Variants in EPB41L4B observed in about 807,000 individuals in gnomAD.
EPB41L4B encodes band 4.1-like protein 4B.
In EPB41L4B, 30 loss-of-function variants were observed where a neutral mutation model predicts 112.5. That is an observed-to-expected ratio of 0.27 (90% CI 0.20 to 0.36). The LOEUF (loss-of-function observed/expected upper bound fraction) is 0.36, where lower values mean the gene tolerates loss of function less well. Ranked by LOEUF, EPB41L4B falls within the 10% of genes least tolerant of loss-of-function variation. The pLI is 1.00. For missense variants in EPB41L4B, 1,024 were observed against 1,133.3 expected (o/e 0.90, Z 1.38); for synonymous variants, 408 against 439.7 (o/e 0.93, Z 0.90).
chr9:109,278,788 T>C (rs1479852545), intron 2 of EPB41L4B, among the ~76,000 whole-genome samples: 1 of 152,224 alleles, frequency 6.6e-6, no homozygotes, highest in African/African-American at 2.4e-5. Flanking sequence ...CAGTGCATAA[T>C]GGGCACTCCA....
rs1209085608 is a variant in EPB41L4B at position 109,176,040 on chromosome 9, TCACACACACGCACA to T, written c.2633+497_2633+510del. On this transcript the variant is annotated intron_variant, in intron 25 of 25. Coordinates refer to ENST00000374566, the MANE Select transcript of EPB41L4B (RefSeq NM_019114.5). ...TTTTCCTCCCTATCCCTTGTCAATA[TCACACACACGCACA>T]CACACACACACACACACACACACAC... Among the ~76,000 whole-genome samples the T allele has an allele frequency of 7.4e-3, 322 of 43,476 alleles. 1 individual carries two copies. The highest frequency in any genetic ancestry group is 0.028 in the African/African-American group (265 of 9,378). 28.5% of individuals were successfully genotyped at this position (43,476 alleles called of 152,430 possible).
chr9:109,226,010 C>T (rs1411287234), intron 15 of EPB41L4B, among the ~76,000 whole-genome samples: 1 of 152,182 alleles, frequency 6.6e-6, no homozygotes, highest in Non-Finnish European at 1.5e-5. Flanking sequence ...CTAACTTTTT[C>T]TGAAATGGAG....
intron 15 of EPB41L4B, 21 bp from the exon 16 acceptor site, chr9:109,217,166 A>T (rs757376474): frequency 1.9e-6 from 3 of 1,610,534 alleles, no homozygotes; most frequent in Admixed American, 3.3e-5. Flanking sequence ...TGACACAGTC[A>T]GGATTTAGAA....
chr9:109,268,478 A>T, intron 2 of EPB41L4B, 45 bp from the exon 3 acceptor site: 1 of 1,558,010 alleles, frequency 6.4e-7, no homozygotes, highest in Non-Finnish European at 8.7e-7. Context: ...TTCATCAGCA[A>T]GGTTATTCAG....
intron 15 of EPB41L4B, among the ~76,000 whole-genome samples, chr9:109,219,337 C>A (rs190263703): frequency 1.3e-5 from 2 of 152,252 alleles, no homozygotes; most frequent in African/African-American, 4.8e-5. Context: ...CCTTTTTGTG[C>A]CACAAGCACT....
chr9:109,291,479 C>T (rs1836526888), intron 1 of EPB41L4B, among the ~76,000 whole-genome samples: 1 of 152,136 alleles, frequency 6.6e-6, no homozygotes, highest in Non-Finnish European at 1.5e-5. Flanking sequence ...AGATTATTTG[C>T]TCACAAACTA....
chr9:109,234,819 C>A (rs966927020), intron 15 of EPB41L4B, among the ~76,000 whole-genome samples: 1 of 152,202 alleles, frequency 6.6e-6, no homozygotes, highest in Non-Finnish European at 1.5e-5. Flanking sequence ...GATTGCACCA[C>A]TGCACTCCAG....
chr9:109,249,058 CAA>C lies in EPB41L4B; in HGVS notation c.1311-1271_1311-1270del, dbSNP rs11287142. On this transcript the variant is annotated intron_variant, in intron 13 of 25. Transcript: ENST00000374566. ...TGGGCGACAGAGCGAGACTCCATCT[CAA>C]AAAAAAAAAAAAATATATATATATA... Among the ~76,000 whole-genome samples the C allele has an allele frequency of 3.3e-3, 404 of 121,300 alleles. 1 individual carries two copies. The highest frequency in any genetic ancestry group is 9.4e-3 in the African/African-American group (305 of 32,276). The allele number at this position is 121,300 out of a possible 152,430, so 79.6% of individuals were successfully genotyped here.
rs1259103495 is a variant in EPB41L4B, at chr9:109,253,619, T to C, written c.1170-69A>G. 3 of 1,021,408 alleles carry C rather than the reference T, an allele frequency of 2.9e-6. No individual in the cohort carries two copies. The East Asian group carries it at 7.2e-5, about 24-fold the overall frequency. 63.3% of individuals were successfully genotyped at this position (1,021,408 alleles called of 1,614,324 possible). ...TCAGTACATTACCTGTTTTTGAAAG[T>C]GCACTTTTATTTCCAAGAGCTCCAA... On this transcript the variant is annotated intron_variant, in intron 11 of 25. Coordinates refer to ENST00000374566, the MANE Select transcript of EPB41L4B (RefSeq NM_019114.5).
At chr9:109,245,219 T>C (rs929375836) in intron 14 of EPB41L4B, among the ~76,000 whole-genome samples, 11 of 152,228 alleles carry the variant, frequency 7.2e-5, no homozygotes, top group Admixed American at 1.3e-4. Context: ...TTTGATCACA[T>C]AGACAGGCCC....
intron 2 of EPB41L4B, among the ~76,000 whole-genome samples, chr9:109,272,561 T>TGGAC (rs1835663358): frequency 6.6e-6 from 1 of 152,166 alleles, no homozygotes; most frequent in Non-Finnish European, 1.5e-5. Context: ...AAGGCCAGCC[T>TGGAC]GGACAACATG....
intron 16 of EPB41L4B, 102 bp downstream of exon 16, chr9:109,216,820 G>T: frequency 8.5e-7 from 1 of 1,169,612 alleles, no homozygotes; most frequent in Non-Finnish European, 1.3e-6. Flanking sequence ...GACAACCATT[G>T]TGTGCTGCAC....
At chr9:109,174,792 G>A (rs1831753389) in intron 25 of EPB41L4B, among the ~76,000 whole-genome samples, 169 bp from the exon 26 acceptor site, 1 of 152,080 alleles carries the variant, frequency 6.6e-6, no homozygotes, top group Non-Finnish European at 1.5e-5. Flanking sequence ...TCTGAAATTG[G>A]CTACTTACTG....
chr9:109,203,990 G>A (rs144735994), intron 18 of EPB41L4B, among the ~76,000 whole-genome samples: 86 of 152,288 alleles, frequency 5.6e-4, no homozygotes, highest in African/African-American at 1.9e-3. Flanking sequence ...CACCTGCTAC[G>A]TGCCAGCTCA....
chr9:109,316,269 T>C (rs1022951423), intron 1 of EPB41L4B, among the ~76,000 whole-genome samples: 2 of 152,238 alleles, frequency 1.3e-5, no homozygotes, highest in African/African-American at 4.8e-5. Flanking sequence ...AATGCAACAA[T>C]GGCCCATGGG....
At chr9:109,260,508 G>A (rs1164415250) in intron 6 of EPB41L4B, among the ~76,000 whole-genome samples, 4 of 148,280 alleles carry the variant, frequency 2.7e-5, no homozygotes, top group Admixed American at 2.1e-4. Context: ...TCCGCCTCCC[G>A]GGTTCAAGCA....
At position 109,255,606 on chromosome 9, in the gene EPB41L4B, T is replaced by A; in HGVS notation, c.1074A>T (p.Ala358=). The part of the protein sequence containing the change: ...ARTCKHLWKC[A]VEHHAFFRLR... ...GTCGGAAGAATGCGTGGTGCTCAACTGCACACTTCCAAAGGTGTTTGCAGG... is the reference window on the plus strand; with the variant it reads ...GTCGGAAGAATGCGTGGTGCTCAACAGCACACTTCCAAAGGTGTTTGCAGG... Residue 358 remains alanine (A), a synonymous_variant, in exon 11 of 26, where the codon GCA becomes GCT. Transcript: ENST00000374566. 1 of 1,614,192 alleles carries A rather than the reference T, an allele frequency of 6.2e-7. No individual in the cohort carries two copies. Among genetic ancestry groups the A allele is most frequent in the South Asian group, 1.1e-5 (1 of 91,082 alleles).
intron 1 of EPB41L4B, among the ~76,000 whole-genome samples, chr9:109,307,634 A>G (rs1452673011): frequency 6.6e-6 from 1 of 152,224 alleles, no homozygotes; most frequent in Non-Finnish European, 1.5e-5. Context: ...AAGAGCAATA[A>G]AAGGACTCCA....
At chr9:109,287,068 C>T (rs1346168273) in intron 1 of EPB41L4B, among the ~76,000 whole-genome samples, 1 of 152,188 alleles carries the variant, frequency 6.6e-6, no homozygotes, top group African/African-American at 2.4e-5. Context: ...ATGACATGAG[C>T]TAAAAATAAC....
Sources: gnomAD v4.1 joint callset for allele counts (sites outside exome capture counted in the v4.1 genomes callset) on GRCh38, gnomAD v4.1.1 for gene constraint, MANE v1.5 for transcripts, NCBI Gene and HGNC (gene_info 2026-07-23, HGNC 2026-07-21) for gene names.